PGM5: variants seen among roughly 807,000 people sequenced by gnomAD.
PGM5 encodes phosphoglucomutase-like protein 5.
In PGM5, 23 loss-of-function variants were observed where a neutral mutation model predicts 59.2. The observed-to-expected ratio is 0.39, with a 90% CI of 0.28 to 0.55. PGM5 has a LOEUF of 0.55. PGM5 is among the 20% of genes least tolerant of loss of function. PGM5 has a pLI of 0.66. For missense variants in PGM5, 574 were observed against 748.3 expected (o/e 0.77, Z 2.72); for synonymous variants, 214 against 286.0 (o/e 0.75, Z 2.54).
intron 6 of PGM5, among the ~76,000 whole-genome samples, chr9:68,449,372 G>A (rs1253732164): frequency 6.6e-6 from 1 of 152,188 alleles, no homozygotes; most frequent in African/African-American, 2.4e-5. Flanking sequence ...CCAAGCCCTG[G>A]AGGGCAAAAA....
intron 10 of PGM5, among the ~76,000 whole-genome samples, chr9:68,525,912 C>T (rs1289148222): frequency 1.3e-5 from 2 of 151,932 alleles, no homozygotes; most frequent in African/African-American, 2.4e-5. Context: ...AAAAATTATC[C>T]GAGCATGGTG....
chr9:68,386,709 C>T (rs1822229091), intron 3 of PGM5, among the ~76,000 whole-genome samples: 1 of 152,020 alleles, frequency 6.6e-6, no homozygotes, highest in African/African-American at 2.4e-5. Flanking sequence ...TGATTTACTA[C>T]TTCTTGGAAA....
In PGM5 at chr9:68,392,729, GATA is replaced by G. The variant is rs534303399; in HGVS notation, c.1043+263_1043+265del. ...TCAGTTTTCTTATCTGTAAAATGTG[GATA>G]ATAATAGTGGTATCTTTATATGGAT... On this transcript the variant is annotated intron_variant, in intron 6 of 10. Coordinates refer to ENST00000396396, the MANE Select transcript of PGM5 (RefSeq NM_021965.4). Among the ~76,000 whole-genome samples, 183 of 152,180 alleles carry G rather than the reference GATA, an allele frequency of 1.2e-3. 2 individuals are homozygous for G. The South Asian group carries it at 0.037, about 31-fold the overall frequency.
chr9:68,495,792 G>T (rs1248900074), intron 9 of PGM5, among the ~76,000 whole-genome samples: 1 of 152,140 alleles, frequency 6.6e-6, no homozygotes, highest in African/African-American at 2.4e-5. Context: ...TCTCTACTGA[G>T]ATTTTGATAA....
intron 9 of PGM5, among the ~76,000 whole-genome samples, chr9:68,491,145 A>G (rs1824382814): frequency 6.6e-6 from 1 of 152,228 alleles, no homozygotes; most frequent in Non-Finnish European, 1.5e-5. Context: ...AGTATTCAGG[A>G]CAGTTGAGAT....
chr9:68,375,338 T>C (rs1554677499), intron 1 of PGM5, among the ~76,000 whole-genome samples: 1 of 152,236 alleles, frequency 6.6e-6, no homozygotes, highest in African/African-American at 2.4e-5. Context: ...TTGGAGGCTA[T>C]TTACCACAGC....
chr9:68,471,428 T>C (rs1314711356), intron 7 of PGM5, among the ~76,000 whole-genome samples: 1 of 152,004 alleles, frequency 6.6e-6, no homozygotes. Flanking sequence ...GTACAGTGAC[T>C]GTAGAAGTGA....
chr9:68,440,089 A>T (rs1300523261), intron 6 of PGM5, among the ~76,000 whole-genome samples: 1 of 152,176 alleles, frequency 6.6e-6, no homozygotes, highest in Non-Finnish European at 1.5e-5. Context: ...AATGGACAGA[A>T]TGGAAAAGAG....
intron 6 of PGM5, among the ~76,000 whole-genome samples, chr9:68,395,143 T>C (rs1554679873): frequency 6.6e-6 from 1 of 152,186 alleles, no homozygotes; most frequent in Non-Finnish European, 1.5e-5. Flanking sequence ...TAGAATGATT[T>C]TGAATTAATT....
intron 6 of PGM5, among the ~76,000 whole-genome samples, chr9:68,433,905 G>A (rs966340341): frequency 1.8e-4 from 27 of 152,186 alleles, no homozygotes; most frequent in Admixed American, 5.9e-4. Flanking sequence ...TAGGGATTTT[G>A]TTATTTACTA....
At chr9:68,410,730 T>C (rs537080171) in intron 6 of PGM5, among the ~76,000 whole-genome samples, 15 of 152,314 alleles carry the variant, frequency 9.8e-5, no homozygotes, top group African/African-American at 3.4e-4. Flanking sequence ...GTCTTACCTA[T>C]GGAGTCATGA....
intron 6 of PGM5, among the ~76,000 whole-genome samples, chr9:68,431,047 C>G (rs1823337431): frequency 1.3e-5 from 2 of 152,176 alleles, no homozygotes; most frequent in Non-Finnish European, 2.9e-5. Flanking sequence ...CTTATGTCAC[C>G]AAGTTTCAGG....
chr9:68,457,550 C>A (rs2132074629), intron 6 of PGM5, among the ~76,000 whole-genome samples: 1 of 152,222 alleles, frequency 6.6e-6, no homozygotes, highest in South Asian at 2.1e-4. Context: ...ATTTAATGTC[C>A]AGTGCCTAGA....
chr9:68,524,794 T>C (rs1035460076), intron 10 of PGM5, among the ~76,000 whole-genome samples: 19 of 152,210 alleles, frequency 1.2e-4, no homozygotes, highest in African/African-American at 4.1e-4. Context: ...TCAGATCTTA[T>C]ATGCAGAACT....
intron 6 of PGM5, among the ~76,000 whole-genome samples, chr9:68,451,519 A>G (rs1001097012): frequency 2.0e-5 from 3 of 152,226 alleles, no homozygotes; most frequent in African/African-American, 2.4e-5. Context: ...AGATGTGGAC[A>G]TATTTTAATA....
chr9:68,523,403 C>T (rs1272646409), intron 10 of PGM5, among the ~76,000 whole-genome samples: 1 of 152,184 alleles, frequency 6.6e-6, no homozygotes, highest in African/African-American at 2.4e-5. Flanking sequence ...GTGCTGCAGT[C>T]TCCACTTTAA....
At chr9:68,480,421 C>A (rs370724753) in intron 8 of PGM5, among the ~76,000 whole-genome samples, 1 of 152,102 alleles carries the variant, frequency 6.6e-6, no homozygotes, top group Non-Finnish European at 1.5e-5. Context: ...AAAAGAGGTA[C>A]AGGCCAGGTG....
intron 6 of PGM5, among the ~76,000 whole-genome samples, chr9:68,441,482 T>C (rs1438021836): frequency 6.6e-6 from 1 of 152,104 alleles, no homozygotes; most frequent in Non-Finnish European, 1.5e-5. Flanking sequence ...AATCAATCAA[T>C]ACAATCTACT....
chr9:68,473,706 C>A (rs782129230), intron 7 of PGM5, among the ~76,000 whole-genome samples: 1 of 152,162 alleles, frequency 6.6e-6, no homozygotes, highest in Non-Finnish European at 1.5e-5. Context: ...GTATGACCAA[C>A]AATCCTGGTT....
Sources: gnomAD v4.1 joint callset for allele counts (sites outside exome capture counted in the v4.1 genomes callset) on GRCh38, gnomAD v4.1.1 for gene constraint, MANE v1.5 for transcripts, NCBI Gene and HGNC (gene_info 2026-07-23, HGNC 2026-07-21) for gene names.